Variants in VAV2 observed in about 807,000 individuals in gnomAD.
VAV2 encodes the protein vav guanine nucleotide exchange factor 2, also known as guanine nucleotide exchange factor VAV2.
A neutral mutation model predicts 132.5 loss-of-function variants in VAV2; 67 were observed. That is an observed-to-expected ratio of 0.51 (90% CI 0.42 to 0.62). The LOEUF (loss-of-function observed/expected upper bound fraction) is 0.62. VAV2 is among the 20% of genes least tolerant of loss of function. The probability of loss-of-function intolerance (pLI) is 0.00; values close to 1 mark genes in which losing one functional copy is unlikely to be tolerated. For synonymous variants in VAV2, 492 were observed against 443.5 expected, an observed-to-expected ratio of 1.11 and a Z score of -1.37; for missense variants, 938 against 1,153.6, an observed-to-expected ratio of 0.81 and a Z score of 2.71.
intron 2 of VAV2, among the ~76,000 whole-genome samples, chr9:133,936,623 T>C (rs1329106284): frequency 1.3e-5 from 2 of 152,268 alleles, no homozygotes; most frequent in African/African-American, 2.4e-5. Context: ...TCTGGACTTG[T>C]TTTAAGCGAC....
Position 133,833,873 on chromosome 9 carries a change from C to T in VAV2, c.449+399G>A, listed in dbSNP as rs1836359927. On this transcript the variant is annotated intron_variant, in intron 4 of 29. Transcript: ENST00000371850. This position sits in a 1 kb window ranked among gnomAD's most constrained non-coding sequence, Gnocchi z 5.6. ...CCTGAACCTGCGCTCCAGGCAGCAC[C>T]GCTCCCTCCTCACAACACGGCATCC... 1.3e-5 allele frequency among the ~76,000 whole-genome samples: 2 copies of T among 152,162 alleles called. No individual in the cohort carries two copies. The highest frequency in any genetic ancestry group is 6.5e-5 in the Admixed American group (1 of 15,286).
chr9:133,859,184 T>C (rs908496585), intron 3 of VAV2, among the ~76,000 whole-genome samples: 2 of 152,136 alleles, frequency 1.3e-5, no homozygotes. Context: ...GCAGGACAGA[T>C]GCAGGGCCAG....
chr9:133,785,470 G>C (rs951445715), intron 17 of VAV2, among the ~76,000 whole-genome samples: 1 of 152,226 alleles, frequency 6.6e-6, no homozygotes, highest in Non-Finnish European at 1.5e-5. Flanking sequence ...TCACTGCTCT[G>C]TGGGCCGGGC....
intron 1 of VAV2, among the ~76,000 whole-genome samples, chr9:133,953,039 G>A (rs2319066): frequency 1.1e-4 from 16 of 143,556 alleles, no homozygotes; most frequent in South Asian, 2.3e-4. Context: ...CATGGCCCCC[G>A]GGACACCTAG....
At chr9:133,920,919 CTGGCTGGCCCTGAGTGCCCTCCG>C (rs1840275322) in intron 2 of VAV2, among the ~76,000 whole-genome samples, 1 of 152,250 alleles carries the variant, frequency 6.6e-6, no homozygotes, top group South Asian at 2.1e-4. Context: ...CACCCGCTTC[CTGGCTGGCCCTGAGTGCCCTCCG>C]TGGGGGGCCC....
chr9:133,963,140 G>C (rs575446190), intron 1 of VAV2, among the ~76,000 whole-genome samples: 15 of 152,116 alleles, frequency 9.9e-5, no homozygotes, highest in Non-Finnish European at 1.8e-4. Context: ...AACTGGGATG[G>C]TGCCCGGCAG....
intron 3 of VAV2, among the ~76,000 whole-genome samples, chr9:133,845,648 C>T (rs556360730): frequency 2.0e-5 from 3 of 152,170 alleles, no homozygotes; most frequent in Non-Finnish European, 1.5e-5. Context: ...GTTGGAGGAT[C>T]GGCTGTGACA....
intron 9 of VAV2, among the ~76,000 whole-genome samples, chr9:133,798,017 T>A (rs529368431): frequency 6.6e-6 from 1 of 152,092 alleles, no homozygotes; most frequent in Non-Finnish European, 1.5e-5. Flanking sequence ...GCTGCCGGCG[T>A]GCTGGGAGAG....
intron 3 of VAV2, among the ~76,000 whole-genome samples, chr9:133,851,166 C>T (rs1010199230): frequency 6.6e-6 from 1 of 152,232 alleles, no homozygotes; most frequent in Non-Finnish European, 1.5e-5. Flanking sequence ...GCCTCCACCA[C>T]GCACTCAGGA....
In VAV2 at chr9:133,944,746, C is replaced by T. The variant is rs550094264; in HGVS notation, c.205-5527G>A. Reference sequence around the variant, plus strand: ...GCCAAGGACGGCAGCACAAGGCCTGCGTCGTCAAGGCAGGTGCCACACTGT... The same window carrying T: ...GCCAAGGACGGCAGCACAAGGCCTGTGTCGTCAAGGCAGGTGCCACACTGT... On this transcript the variant is annotated intron_variant, in intron 1 of 29. Coordinates refer to ENST00000371850, the MANE Select transcript of VAV2 (RefSeq NM_001134398.2). Among the ~76,000 whole-genome samples the T allele has an allele frequency of 7.2e-5, 11 of 152,376 alleles. No homozygotes were observed. In the East Asian group the frequency reaches 7.7e-4, roughly 11 times the overall value.
At position 133,919,024 on chromosome 9, in the gene VAV2, C is replaced by T. The variant is rs1282656311; in HGVS notation, c.321+20079G>A. 6.6e-6 allele frequency among the ~76,000 whole-genome samples: 1 copy of T among 152,150 alleles called. No individual in the cohort carries two copies. Among genetic ancestry groups the T allele is most frequent in the African/African-American group, 2.4e-5 (1 of 41,414 alleles). The stretch of plus-strand genomic sequence containing the variant: ...TCCTGACCTTGTGATCCTCCCACCT[C>T]GGCCTCCCAAAGTGCTGGGATTACA... On this transcript the variant is annotated intron_variant, in intron 2 of 29. Coordinates refer to ENST00000371850, the MANE Select transcript of VAV2 (RefSeq NM_001134398.2). The surrounding 1 kb of genome is among the most constrained non-coding windows in gnomAD (Gnocchi z 5.8).
intron 2 of VAV2, among the ~76,000 whole-genome samples, chr9:133,866,666 C>CGTG: frequency 6.6e-6 from 1 of 152,046 alleles, no homozygotes; most frequent in Non-Finnish European, 1.5e-5. Flanking sequence ...ATTAGCCGGG[C>CGTG]GTGGTGGCAC....
intron 2 of VAV2, among the ~76,000 whole-genome samples, chr9:133,931,889 T>C (rs1840701049): frequency 6.6e-6 from 1 of 152,196 alleles, no homozygotes; most frequent in South Asian, 2.1e-4. Context: ...CTCACAGCCA[T>C]GTTACCGTGC....
chr9:133,884,282 C>T lies in VAV2; in HGVS notation c.322-22850G>A, dbSNP rs1477293493. On this transcript the variant is annotated intron_variant, in intron 2 of 29. Transcript: ENST00000371850. The surrounding 1 kb of genome is among the most constrained non-coding windows in gnomAD (Gnocchi z 5.3). The stretch of plus-strand genomic sequence containing the variant: ...GCAGCACGGGAGCACACTGAATGAA[C>T]ATGTGATCATTACCCACCACCACCA... Among the ~76,000 whole-genome samples, 1 of 152,192 alleles carries T rather than the reference C, an allele frequency of 6.6e-6. No individual in the cohort carries two copies. Among genetic ancestry groups the T allele is most frequent in the Non-Finnish European group, 1.5e-5 (1 of 68,028 alleles).
intron 1 of VAV2, among the ~76,000 whole-genome samples, chr9:133,984,680 G>A (rs1210778438): frequency 6.6e-6 from 1 of 152,108 alleles, no homozygotes; most frequent in Non-Finnish European, 1.5e-5. Context: ...CTCAAGAGCA[G>A]TAATGCCCCT....
rs139249733 is a variant in VAV2 at position 133,782,881 on chromosome 9, C to G, written c.1723+622G>C. 1.8e-3 allele frequency among the ~76,000 whole-genome samples: 280 copies of G among 152,302 alleles called. 1 individual carries two copies. The highest frequency in any genetic ancestry group is 2.4e-3 in the Non-Finnish European group (161 of 68,028). On this transcript the variant is annotated intron_variant, in intron 19 of 29. Coordinates refer to ENST00000371850, the MANE Select transcript of VAV2 (RefSeq NM_001134398.2). Reference sequence around the variant, plus strand: ...CTGTCCAGCTGCCCTGAGCAGGGCACAACCCCAAAGGTATGCCCCCGACCC... The same window carrying G: ...CTGTCCAGCTGCCCTGAGCAGGGCAGAACCCCAAAGGTATGCCCCCGACCC...
At chr9:133,895,027 G>C (rs1235524269) in intron 2 of VAV2, among the ~76,000 whole-genome samples, 2 of 151,944 alleles carry the variant, frequency 1.3e-5, no homozygotes, top group Non-Finnish European at 1.5e-5. Flanking sequence ...TCGCGTGGGG[G>C]GCGTCCGGAG....
At chr9:133,937,525 A>C (rs13292472) in intron 2 of VAV2, among the ~76,000 whole-genome samples, 1 of 120,652 alleles carries the variant, frequency 8.3e-6, no homozygotes, top group Non-Finnish European at 1.9e-5. Flanking sequence ...TGCGCGTGTG[A>C]GAGTGTGTGT....
At position 133,939,139 on chromosome 9, in the gene VAV2, G is replaced by C; in HGVS notation, c.285C>G (p.Asp95Glu). 1 of 1,614,228 alleles carries C rather than the reference G, an allele frequency of 6.2e-7. No individual in the cohort carries two copies. The highest frequency in any genetic ancestry group is 8.5e-7 in the Non-Finnish European group (1 of 1,180,038). The change falls in exon 2 of 30, where the codon GAC (aspartate) becomes GAG (glutamate). Residue 95 changes from aspartate (D) to glutamate (E), a missense_variant. Coordinates refer to ENST00000371850, the MANE Select transcript of VAV2 (RefSeq NM_001134398.2). ...KFGLRNSELFDPFDLFDVRDF... is the reference protein window; with the variant it reads ...KFGLRNSELFEPFDLFDVRDF... ...CTCGCACATCGAAGAGGTCAAAGGG[G>C]TCAAACAGCTCGCTGTTCCTTAATC...
Sources: allele counts gnomAD v4.1 joint callset (sites outside exome capture counted in the v4.1 genomes callset), GRCh38; gene constraint gnomAD v4.1.1; non-coding constraint Gnocchi (gnomAD v3.1); transcripts MANE v1.5; gene names NCBI Gene and HGNC (gene_info 2026-07-23, HGNC 2026-07-21).